The following DCLK3 variants were observed in gnomAD, a reference collection of about 807,000 sequenced individuals.
DCLK3 encodes the protein doublecortin like kinase 3, also known as serine/threonine-protein kinase DCLK3.
Under a neutral mutation model 46.4 loss-of-function variants are expected in DCLK3, and 30 were observed. The ratio of observed to expected loss-of-function variants is 0.65; its 90% CI spans 0.48 to 0.88. The LOEUF (loss-of-function observed/expected upper bound fraction) is 0.88, where lower values mean the gene tolerates loss of function less well. Ranked by LOEUF, DCLK3 falls within the 40% of genes least tolerant of loss-of-function variation. The pLI is 0.00. For missense variants in DCLK3, 846 were observed against 907.1 expected (o/e 0.93, Z 0.87); for synonymous variants, 401 against 339.2 (o/e 1.18, Z -2.00).
Position 36,738,257 on chromosome 3 carries a change from C to T in DCLK3, c.910G>A (p.Glu304Lys), listed in dbSNP as rs770993867. The T allele has an allele frequency of 6.4e-7, 1 of 1,555,110 alleles. No individual in the cohort carries two copies. Among genetic ancestry groups the T allele is most frequent in the Non-Finnish European group, 8.7e-7 (1 of 1,154,320 alleles). The change falls in exon 2 of 5, where the codon GAA (glutamate) becomes AAA (lysine). Residue 304 changes from glutamate to lysine, a missense_variant. Transcript: ENST00000636136. ...TTGCACTTCTCGCATCTGATAATTTCACCCGAGGTCTTTTCAATCTCCACC... is the reference window on the plus strand; with the variant it reads ...TTGCACTTCTCGCATCTGATAATTTTACCCGAGGTCTTTTCAATCTCCACC... ...LGVEIEKTSG[E>K]IIRCEKCKRE...
intron 1 of DCLK3, among the ~76,000 whole-genome samples, chr3:36,763,252 G>C (rs73824482): frequency 1.5e-3 from 228 of 152,292 alleles, no homozygotes; most frequent in African/African-American, 5.3e-3. Flanking sequence ...ACTAGGAGGG[G>C]GTGAGGTGGA....
intron 4 of DCLK3, among the ~76,000 whole-genome samples, chr3:36,715,970 T>C (rs958615667): frequency 6.6e-6 from 1 of 152,162 alleles, no homozygotes; most frequent in Non-Finnish European, 1.5e-5. Flanking sequence ...ACTTTAAGGT[T>C]TCAAATCGAA....
intron 2 of DCLK3, among the ~76,000 whole-genome samples, chr3:36,732,127 A>C (rs1701206607): frequency 1.3e-5 from 2 of 152,214 alleles, no homozygotes; most frequent in South Asian, 4.1e-4. Context: ...TCCTTGATGA[A>C]ATGAGGTCAC....
chr3:36,724,167 A>T (rs1701097126), intron 2 of DCLK3, among the ~76,000 whole-genome samples: 1 of 152,162 alleles, frequency 6.6e-6, no homozygotes, highest in South Asian at 2.1e-4. Flanking sequence ...TCAGACTTTC[A>T]TGGGGCCTGT....
chr3:36,755,257 C>A (rs1575147762), intron 1 of DCLK3, among the ~76,000 whole-genome samples: 1 of 152,022 alleles, frequency 6.6e-6, no homozygotes, highest in South Asian at 2.1e-4. Context: ...AACACTAATA[C>A]AATTTTTGAG....
intron 2 of DCLK3, 28 bp from the exon 3 acceptor site, chr3:36,721,687 C>G (rs1701063069): frequency 6.2e-7 from 1 of 1,613,554 alleles, no homozygotes; most frequent in South Asian, 1.1e-5. Context: ...CCCCAAACCA[C>G]CAAAATTGTG....
rs546384573 is a variant in DCLK3 at position 36,713,248 on chromosome 3, C to T, written c.*2080G>A. The T allele has an allele frequency of 4.6e-5, 7 of 151,852 alleles. No individual in the cohort carries two copies. Among genetic ancestry groups the T allele is most frequent in the African/African-American group, 1.7e-4 (7 of 41,390 alleles). 9.4% of individuals were successfully genotyped at this position (151,852 alleles called of 1,614,324 possible). ...AGAAGACTGAATCTATACAAGAGAT[C>T]CAAAGGTATAGGAGAAAAAAAAACC... On this transcript the variant is annotated 3_prime_UTR_variant, in exon 5 of 5. Coordinates refer to ENST00000636136, the MANE Select transcript of DCLK3 (RefSeq NM_001394672.2).
chr3:36,751,061 TCTAAAAAAA>T (rs1162628452), intron 1 of DCLK3, among the ~76,000 whole-genome samples: 2 of 28,230 alleles, frequency 7.1e-5, no homozygotes, highest in Admixed American at 5.9e-4. Context: ...GACGGGATGA[TCTAAAAAAA>T]AAAAAAAAAA....
At chr3:36,716,866 A>T (rs1023859437) in intron 4 of DCLK3, among the ~76,000 whole-genome samples, 1 of 152,160 alleles carries the variant, frequency 6.6e-6, no homozygotes, top group Non-Finnish European at 1.5e-5. Flanking sequence ...TGCTGCATAG[A>T]ACTTTCTAAA....
intron 2 of DCLK3, among the ~76,000 whole-genome samples, chr3:36,731,737 C>T (rs56751647): frequency 4.6e-5 from 7 of 152,180 alleles, no homozygotes; most frequent in East Asian, 1.9e-4. Context: ...ATCTTTACTG[C>T]GGTCCCCAAG....
intron 1 of DCLK3, among the ~76,000 whole-genome samples, chr3:36,743,389 C>G (rs1701366842): frequency 6.6e-6 from 1 of 151,952 alleles, no homozygotes; most frequent in South Asian, 2.1e-4. Context: ...CTCACTCAAC[C>G]TGTATAATCT....
chr3:36,719,209 G>A (rs73824465), intron 3 of DCLK3, among the ~76,000 whole-genome samples: 1 of 152,090 alleles, frequency 6.6e-6, no homozygotes. Flanking sequence ...ATACAGTAAA[G>A]GTTTTTGATA....
At chr3:36,715,733 C>T (rs1332528666) in intron 4 of DCLK3, among the ~76,000 whole-genome samples, 1 of 152,168 alleles carries the variant, frequency 6.6e-6, no homozygotes, top group African/African-American at 2.4e-5. Flanking sequence ...TGAAATCTGG[C>T]GTGTGAAACT....
chr3:36,733,323 C>T (rs1450863633), intron 2 of DCLK3, among the ~76,000 whole-genome samples: 1 of 152,188 alleles, frequency 6.6e-6, no homozygotes, highest in Non-Finnish European at 1.5e-5. Flanking sequence ...TTCCTTTCCA[C>T]TCTGTTTCCA....
At chr3:36,748,415 C>T (rs555740617) in intron 1 of DCLK3, among the ~76,000 whole-genome samples, 1 of 152,254 alleles carries the variant, frequency 6.6e-6, no homozygotes, top group South Asian at 2.1e-4. Flanking sequence ...TGACAAGGCA[C>T]AGCAGAGTGA....
intron 1 of DCLK3, among the ~76,000 whole-genome samples, chr3:36,758,131 G>C (rs1033076896): frequency 1.3e-5 from 2 of 152,158 alleles, no homozygotes; most frequent in Non-Finnish European, 2.9e-5. Flanking sequence ...TTTTCCAGCT[G>C]TTTCTCAAAT....
intron 1 of DCLK3, among the ~76,000 whole-genome samples, chr3:36,745,123 T>C (rs955561314): frequency 6.6e-5 from 10 of 152,238 alleles, no homozygotes; most frequent in Admixed American, 3.9e-4. Context: ...TCTAATTTAC[T>C]TATAATTACT....
At chr3:36,734,301 C>T (rs1701233501) in intron 2 of DCLK3, among the ~76,000 whole-genome samples, 1 of 152,156 alleles carries the variant, frequency 6.6e-6, no homozygotes, top group Non-Finnish European at 1.5e-5. Context: ...AGCATTTAGA[C>T]TTCTGACATA....
At chr3:36,745,951 A>C (rs1323255896) in intron 1 of DCLK3, among the ~76,000 whole-genome samples, 3 of 152,226 alleles carry the variant, frequency 2.0e-5, no homozygotes, top group African/African-American at 7.2e-5. Flanking sequence ...CAATGTCTAT[A>C]TTGATCAGAG....
Sources: allele counts gnomAD v4.1 joint callset (sites outside exome capture counted in the v4.1 genomes callset), GRCh38; gene constraint gnomAD v4.1.1; transcripts MANE v1.5; gene names NCBI Gene and HGNC (gene_info 2026-07-23, HGNC 2026-07-21).